The following SIPA1L1 variants were observed in gnomAD, a reference collection of about 807,000 sequenced individuals.
SIPA1L1 encodes the protein signal induced proliferation associated 1 like 1.
SIPA1L1 carries 26 observed loss-of-function variants against 162.7 expected under a neutral mutation model. That is an observed-to-expected ratio of 0.16 (90% CI 0.12 to 0.22). SIPA1L1 has a LOEUF of 0.22. Ranked by LOEUF, SIPA1L1 falls within the 10% of genes least tolerant of loss-of-function variation. The pLI is 1.00. For synonymous variants in SIPA1L1, 829 were observed against 837.4 expected (o/e 0.99, Z 0.17); for missense variants, 1,874 against 2,241.0 (o/e 0.84, Z 3.31).
At chr14:71,440,994 A>G (rs536128425) in intron 2 of SIPA1L1, among the ~76,000 whole-genome samples, 10 of 152,236 alleles carry the variant, frequency 6.6e-5, no homozygotes, top group Non-Finnish European at 5.9e-5. Context: ...TTTAAAAGAT[A>G]TCACTAAGGA....
chr14:71,394,318 A>G (rs959435729), intron 2 of SIPA1L1, among the ~76,000 whole-genome samples: 3 of 152,232 alleles, frequency 2.0e-5, no homozygotes, highest in Non-Finnish European at 2.9e-5. Context: ...TAATTTCCAA[A>G]TGTCCATTCA....
intron 2 of SIPA1L1, among the ~76,000 whole-genome samples, chr14:71,492,125 A>G (rs968373004): frequency 2.0e-5 from 3 of 152,138 alleles, no homozygotes; most frequent in African/African-American, 4.8e-5. Context: ...AATATTGGCT[A>G]CTACCAGGGC....
At chr14:71,415,670 C>T (rs1017352718) in intron 2 of SIPA1L1, among the ~76,000 whole-genome samples, 3 of 151,916 alleles carry the variant, frequency 2.0e-5, no homozygotes, top group African/African-American at 7.3e-5. Context: ...TTGAAATGTG[C>T]ACCTTCAGTG....
chr14:71,574,866 G>C (rs1359196488), intron 4 of SIPA1L1: 1 of 151,992 alleles, frequency 6.6e-6, no homozygotes, highest in African/African-American at 2.4e-5. Flanking sequence ...TTTAAGTTTA[G>C]GGGATTAGAT....
chr14:71,544,213 A>G (rs191390107), intron 4 of SIPA1L1, among the ~76,000 whole-genome samples: 209 of 151,360 alleles, frequency 1.4e-3, no homozygotes, highest in African/African-American at 2.5e-3. Context: ...ATGCACATGC[A>G]TGTGTATATA....
At chr14:71,675,379 A>G (rs567743379) in intron 12 of SIPA1L1, among the ~76,000 whole-genome samples, 1 of 152,246 alleles carries the variant, frequency 6.6e-6, no homozygotes, top group South Asian at 2.1e-4. Context: ...AAAGCCATAC[A>G]GTTTCCATCT....
chr14:71,381,791 T>A (rs2039926012), intron 2 of SIPA1L1, among the ~76,000 whole-genome samples: 3 of 152,222 alleles, frequency 2.0e-5, no homozygotes, highest in African/African-American at 7.2e-5. Context: ...TTGTTAATTC[T>A]TGGTGCCCTC....
At chr14:71,360,320 T>G (rs2037687082) in intron 2 of SIPA1L1, among the ~76,000 whole-genome samples, 1 of 152,232 alleles carries the variant, frequency 6.6e-6, no homozygotes. Context: ...TGATAGATAA[T>G]GTCTTAGGAA....
intron 2 of SIPA1L1, among the ~76,000 whole-genome samples, chr14:71,392,893 A>G (rs373245107): frequency 6.6e-6 from 1 of 152,256 alleles, no homozygotes; most frequent in African/African-American, 2.4e-5. Context: ...TATTCTGTTT[A>G]ACTTTTCAGT....
At chr14:71,564,634 T>A (rs187148686) in intron 4 of SIPA1L1, among the ~76,000 whole-genome samples, 16 of 151,944 alleles carry the variant, frequency 1.1e-4, no homozygotes, top group African/African-American at 3.9e-4. Context: ...ATTACAGGCA[T>A]GTGCCACCAC....
At chr14:71,533,634 G>A (rs367915501) in intron 4 of SIPA1L1, among the ~76,000 whole-genome samples, 222 of 152,288 alleles carry the variant, frequency 1.5e-3, no homozygotes, top group African/African-American at 5.1e-3. Context: ...TTGTGTCTGC[G>A]GTTGTACATG....
At chr14:71,507,883 G>A (rs1180320006) in intron 2 of SIPA1L1, among the ~76,000 whole-genome samples, 2 of 152,124 alleles carry the variant, frequency 1.3e-5, no homozygotes, top group Admixed American at 1.3e-4. Context: ...ATTCTGCAGC[G>A]GACTCACAAA....
At chr14:71,705,198 A>G (rs751400570) in intron 15 of SIPA1L1, 24 bp from the exon 16 acceptor site, 4 of 1,538,844 alleles carry the variant, frequency 2.6e-6, no homozygotes, top group East Asian at 2.2e-5. Flanking sequence ...TGCCTGCACC[A>G]TAATGTCCTA....
chr14:71,330,571 C>T, intron 2 of SIPA1L1: 2 of 1,206,324 alleles, frequency 1.7e-6, no homozygotes, highest in Non-Finnish European at 2.5e-6. Flanking sequence ...CTTTCCTCCT[C>T]AGATGTTAAA....
intron 17 of SIPA1L1, among the ~76,000 whole-genome samples, chr14:71,720,977 G>A (rs373612793): frequency 6.6e-6 from 1 of 152,150 alleles, no homozygotes; most frequent in East Asian, 1.9e-4. Flanking sequence ...ATGAGGTTAT[G>A]TCTTCCTGGA....
intron 5 of SIPA1L1, among the ~76,000 whole-genome samples, chr14:71,596,892 T>A (rs2036102706): frequency 6.6e-6 from 1 of 152,212 alleles, no homozygotes; most frequent in Non-Finnish European, 1.5e-5. Context: ...GACAAGCAGT[T>A]GCTATGTAGT....
chr14:71,638,598 G>A (rs753104177), intron 7 of SIPA1L1, among the ~76,000 whole-genome samples: 1 of 152,212 alleles, frequency 6.6e-6, no homozygotes, highest in Non-Finnish European at 1.5e-5. Context: ...ACTGGAGAAA[G>A]GGAAGGATAT....
At chr14:71,715,771 C>A (rs1039037308) in intron 17 of SIPA1L1, among the ~76,000 whole-genome samples, 2 of 152,204 alleles carry the variant, frequency 1.3e-5, no homozygotes, top group Non-Finnish European at 2.9e-5. Context: ...GCTCTTATAA[C>A]TACACTTTGT....
At chr14:71,334,110 TATG>T (rs1282508220) in intron 2 of SIPA1L1, among the ~76,000 whole-genome samples, 2 of 152,132 alleles carry the variant, frequency 1.3e-5, no homozygotes, top group Admixed American at 1.3e-4. Flanking sequence ...GCATGTTGGG[TATG>T]AGATGCAAGT....
Sources: allele counts gnomAD v4.1 joint callset (sites outside exome capture counted in the v4.1 genomes callset), GRCh38; gene constraint gnomAD v4.1.1; transcripts MANE v1.5; gene names NCBI Gene and HGNC (gene_info 2026-07-23, HGNC 2026-07-21).